The following OPCML variants were observed in gnomAD, a reference collection of about 807,000 sequenced individuals.
The protein encoded by OPCML is opioid-binding protein/cell adhesion molecule.
A neutral mutation model predicts 37.8 loss-of-function variants in OPCML; 13 were observed. The ratio of observed to expected loss-of-function variants is 0.34; its 90% CI spans 0.22 to 0.55. The LOEUF is 0.55. Among genes scored for constraint, OPCML ranks in the 20% least tolerant of loss-of-function variants. The pLI, the probability that OPCML is intolerant of heterozygous loss-of-function variation, is 0.91. For synonymous variants in OPCML, 176 were observed against 168.8 expected (o/e 1.04, Z -0.33); for missense variants, 341 against 435.6 (o/e 0.78, Z 1.93).
At chr11:133,424,539 T>TA (rs1452167411) in intron 1 of OPCML, among the ~76,000 whole-genome samples, 3 of 152,164 alleles carry the variant, frequency 2.0e-5, no homozygotes, top group South Asian at 4.1e-4. Context: ...TAACTATTTC[T>TA]AAAAAACACA....
chr11:133,006,479 A>C (rs1947115688), intron 1 of OPCML: 2 of 985,336 alleles, frequency 2.0e-6, no homozygotes, highest in Non-Finnish European at 2.4e-6. Context: ...ATCAAGAAAG[A>C]AAGTTTTATC....
intron 3 of OPCML, among the ~76,000 whole-genome samples, chr11:132,580,406 A>G (rs185365104): frequency 5.3e-4 from 81 of 152,372 alleles, no homozygotes; most frequent in Admixed American, 1.0e-3. Context: ...GAATAGATGT[A>G]AAATCATGAA....
intron 1 of OPCML, among the ~76,000 whole-genome samples, chr11:133,334,148 A>G (rs759012666): frequency 6.6e-6 from 1 of 152,218 alleles, no homozygotes; most frequent in Non-Finnish European, 1.5e-5. Context: ...CTGGGTATAT[A>G]CCCAGAGGAA....
intron 1 of OPCML, among the ~76,000 whole-genome samples, chr11:132,956,803 G>A (rs1404949561): frequency 6.6e-6 from 1 of 152,068 alleles, no homozygotes. Context: ...GTCTTGGCTG[G>A]ATGGAATCAG....
intron 3 of OPCML, among the ~76,000 whole-genome samples, chr11:132,550,145 C>T (rs74938095): frequency 0.034 from 5,207 of 152,226 alleles, 307 homozygotes; most frequent in African/African-American, 0.12. Context: ...TAAACACAAA[C>T]TCACCTTATA....
intron 1 of OPCML, among the ~76,000 whole-genome samples, chr11:132,954,784 T>C (rs925223927): frequency 2.0e-5 from 3 of 151,980 alleles, no homozygotes; most frequent in Non-Finnish European, 2.9e-5. Flanking sequence ...TGGCATTAAG[T>C]GTGAATTCTG....
chr11:132,631,080 T>C (rs1233870971), intron 3 of OPCML, among the ~76,000 whole-genome samples: 4 of 152,026 alleles, frequency 2.6e-5, no homozygotes, highest in African/African-American at 4.8e-5. Flanking sequence ...AACAAATTTA[T>C]GGTGATAGAT....
chr11:133,500,203 A>G (rs1361166192), intron 1 of OPCML, among the ~76,000 whole-genome samples: 3 of 152,134 alleles, frequency 2.0e-5, no homozygotes, highest in Non-Finnish European at 2.9e-5. Context: ...ATTCAATTCC[A>G]AACATCAAAG....
At chr11:132,882,888 G>T (rs1437595566) in intron 2 of OPCML, among the ~76,000 whole-genome samples, 1 of 152,158 alleles carries the variant, frequency 6.6e-6, no homozygotes, top group Non-Finnish European at 1.5e-5. Context: ...AGATCAAGAG[G>T]TGGGGAAAAG....
chr11:133,456,215 C>G (rs1297809942), intron 1 of OPCML, among the ~76,000 whole-genome samples: 3 of 152,160 alleles, frequency 2.0e-5, no homozygotes, highest in African/African-American at 4.8e-5. Context: ...CAAGGAGAAC[C>G]TGGGGTGAGA....
intron 1 of OPCML, among the ~76,000 whole-genome samples, chr11:133,430,337 G>A (rs1390562731): frequency 6.6e-6 from 1 of 152,166 alleles, no homozygotes; most frequent in African/African-American, 2.4e-5. Context: ...AAGAAATAGG[G>A]AAGAAGTTGG....
chr11:132,951,728 A>G (rs1945865128), intron 1 of OPCML, among the ~76,000 whole-genome samples: 1 of 152,226 alleles, frequency 6.6e-6, no homozygotes, highest in Non-Finnish European at 1.5e-5. Flanking sequence ...AGCTGTACAG[A>G]GCAAGACACA....
chr11:133,218,534 C>A (rs1037571033), intron 1 of OPCML, among the ~76,000 whole-genome samples: 1 of 152,186 alleles, frequency 6.6e-6, no homozygotes, highest in African/African-American at 2.4e-5. Context: ...AAAACAAAGA[C>A]GGTGAACTAG....
chr11:132,430,171 T>A (rs950955375), intron 7 of OPCML, among the ~76,000 whole-genome samples: 1 of 151,898 alleles, frequency 6.6e-6, no homozygotes, highest in South Asian at 2.1e-4. Flanking sequence ...GGCATGGAGG[T>A]CGCACTGAAG....
intron 1 of OPCML, among the ~76,000 whole-genome samples, chr11:133,489,125 T>C (rs1019856538): frequency 1.3e-5 from 2 of 152,008 alleles, no homozygotes; most frequent in African/African-American, 4.8e-5. Context: ...ATAAAAATCC[T>C]AGAAGAAAGC....
intron 1 of OPCML, among the ~76,000 whole-genome samples, chr11:133,303,990 A>T (rs1267844312): frequency 6.6e-6 from 1 of 152,214 alleles, no homozygotes; most frequent in African/African-American, 2.4e-5. Context: ...GGAACACTTA[A>T]TGTGAAAATT....
chr11:133,354,292 C>CTGGTGATGGTGGTGGTGGTAG (rs1944223964), intron 1 of OPCML, among the ~76,000 whole-genome samples: 1 of 19,704 alleles, frequency 5.1e-5, no homozygotes, highest in South Asian at 2.0e-3. Flanking sequence ...GATGGTGGTG[C>CTGGTGATGGTGGTGGTGGTAG]TGGTGGTGGT....
intron 2 of OPCML, among the ~76,000 whole-genome samples, chr11:132,784,677 C>T (rs1279565048): frequency 1.2e-4 from 19 of 152,158 alleles, no homozygotes; most frequent in Admixed American, 1.2e-3. Flanking sequence ...ACAGATCCCT[C>T]ATGAATGAAT....
chr11:133,162,561 G>A (rs1442643584), intron 1 of OPCML, among the ~76,000 whole-genome samples: 2 of 151,550 alleles, frequency 1.3e-5, no homozygotes, highest in African/African-American at 4.9e-5. Flanking sequence ...GACTGCCGCT[G>A]CCGGCTTGTT....
Sources: gnomAD v4.1 joint callset for allele counts (sites outside exome capture counted in the v4.1 genomes callset) on GRCh38, gnomAD v4.1.1 for gene constraint, MANE v1.5 for transcripts, NCBI Gene and HGNC (gene_info 2026-07-23, HGNC 2026-07-21) for gene names.